Variants in KCNH7 observed in about 807,000 individuals in gnomAD.
The protein encoded by KCNH7 is potassium voltage-gated channel subfamily H member 7, also known as voltage-gated inwardly rectifying potassium channel KCNH7.
Under a neutral mutation model 120.8 loss-of-function variants are expected in KCNH7, and 49 were observed. That is an observed-to-expected ratio of 0.41 (90% CI 0.32 to 0.51). KCNH7 has a LOEUF of 0.51. Ranked by LOEUF, KCNH7 falls within the 20% of genes least tolerant of loss-of-function variation. KCNH7 has a pLI of 0.38. For missense variants in KCNH7, 1,097 were observed against 1,446.6 expected, an observed-to-expected ratio of 0.76 and a Z score of 3.92; for synonymous variants, 547 against 516.1, an observed-to-expected ratio of 1.06 and a Z score of -0.81.
chr2:162,814,406 T>C (rs1206839279), intron 2 of KCNH7, among the ~76,000 whole-genome samples: 5 of 152,224 alleles, frequency 3.3e-5, no homozygotes, highest in Non-Finnish European at 7.3e-5. Flanking sequence ...TGAGGCTTAA[T>C]CTAGTTACTT....
At chr2:162,698,606 A>G (rs1384613329) in intron 2 of KCNH7, among the ~76,000 whole-genome samples, 1 of 152,102 alleles carries the variant, frequency 6.6e-6, no homozygotes, top group Non-Finnish European at 1.5e-5. Flanking sequence ...TGGATATTAG[A>G]AAGAGCACCG....
intron 11 of KCNH7, 31 bp downstream of exon 11, chr2:162,396,709 A>G (rs1449848319): frequency 6.8e-7 from 1 of 1,467,334 alleles, no homozygotes; most frequent in Non-Finnish European, 9.5e-7. Context: ...AATGTCAGAA[A>G]TACAGACATA....
intron 2 of KCNH7, among the ~76,000 whole-genome samples, chr2:162,571,823 T>G (rs1260273844): frequency 6.6e-6 from 1 of 151,148 alleles, no homozygotes; most frequent in Non-Finnish European, 1.5e-5. Flanking sequence ...TACATGGTGC[T>G]GGGAAAACTG....
intron 2 of KCNH7, among the ~76,000 whole-genome samples, chr2:162,654,912 T>C (rs1450654074): frequency 1.3e-5 from 2 of 152,098 alleles, no homozygotes; most frequent in Admixed American, 6.5e-5. Context: ...CTCAATTATG[T>C]GTGGAATATA....
At chr2:162,779,189 T>G (rs10210829) in intron 2 of KCNH7, among the ~76,000 whole-genome samples, 3 of 150,222 alleles carry the variant, frequency 2.0e-5, no homozygotes, top group Non-Finnish European at 3.0e-5. Flanking sequence ...ATTTTTTTTG[T>G]TTTTTTTGTT....
At chr2:162,830,628 A>G (rs114832055) in intron 2 of KCNH7, among the ~76,000 whole-genome samples, 2 of 152,214 alleles carry the variant, frequency 1.3e-5, no homozygotes, top group African/African-American at 4.8e-5. Flanking sequence ...TTCAACATTC[A>G]TACATTCGAA....
intron 2 of KCNH7, among the ~76,000 whole-genome samples, chr2:162,625,088 G>A (rs983082214): frequency 1.3e-5 from 2 of 151,584 alleles, no homozygotes; most frequent in Admixed American, 6.6e-5. Context: ...GTAGAGATGG[G>A]GTATTTCCAT....
At chr2:162,474,091 A>T (rs1168128834) in intron 6 of KCNH7, among the ~76,000 whole-genome samples, 2 of 152,184 alleles carry the variant, frequency 1.3e-5, no homozygotes, top group Non-Finnish European at 2.9e-5. Context: ...GAATTATCTC[A>T]TTGAATTTTC....
chr2:162,689,733 C>T (rs537608072), intron 2 of KCNH7, among the ~76,000 whole-genome samples: 26 of 151,900 alleles, frequency 1.7e-4, no homozygotes, highest in Non-Finnish European at 3.1e-4. Context: ...CTTTGCATAT[C>T]GTAGATATTG....
rs993358858 is a variant in KCNH7 at position 162,648,542 on chromosome 2, A to G, written c.308-111462T>C. On this transcript the variant is annotated intron_variant, in intron 2 of 15. Transcript: ENST00000332142. ...TACATTTCCAGTTTCCTCTCTCTCT[A>G]CTTTCTCCATGTGCCTGTTAGCATT... Among the ~76,000 whole-genome samples the G allele has an allele frequency of 2.6e-5, 4 of 152,124 alleles. No individual in the cohort carries two copies. The East Asian group carries it at 7.7e-4, about 29-fold the overall frequency.
intron 2 of KCNH7, among the ~76,000 whole-genome samples, chr2:162,574,535 A>G (rs1257490860): frequency 6.6e-6 from 1 of 152,116 alleles, no homozygotes; most frequent in East Asian, 1.9e-4. Context: ...TAATTAATAG[A>G]CTGTAATTAC....
chr2:162,631,799 G>C (rs1683777349), intron 2 of KCNH7, among the ~76,000 whole-genome samples: 2 of 151,944 alleles, frequency 1.3e-5, no homozygotes, highest in Non-Finnish European at 2.9e-5. Flanking sequence ...GAAACTAACA[G>C]AGGATTAAGA....
Position 162,394,411 on chromosome 2 carries a change from T to C in KCNH7, c.2688A>G (p.Ser896=). The C allele has an allele frequency of 6.3e-7, 1 of 1,595,148 alleles. No homozygotes were observed. The highest frequency in any genetic ancestry group is 8.6e-7 in the Non-Finnish European group (1 of 1,163,542). Reference sequence around the variant, plus strand: ...TACCTTTCTCTCCTTCACTTTCAAATGACAATTTCCTTCTTCTTAGTTTAC... The same window carrying C: ...TACCTTTCTCTCCTTCACTTTCAAACGACAATTTCCTTCTTCTTAGTTTAC... ...DNCKLRRRKL[S]FESEGEKENS... is the part of the protein sequence containing the mutation. The change falls in exon 12 of 16, where the codon TCA becomes TCG. Residue 896 remains serine, a synonymous_variant. Transcript: ENST00000332142.
At chr2:162,827,689 G>T (rs1479177390) in intron 2 of KCNH7, among the ~76,000 whole-genome samples, 1 of 152,170 alleles carries the variant, frequency 6.6e-6, no homozygotes, top group Non-Finnish European at 1.5e-5. Context: ...AGTAGGTTGA[G>T]GTTTAAGAGG....
At chr2:162,744,727 C>T (rs935753245) in intron 2 of KCNH7, among the ~76,000 whole-genome samples, 1 of 152,082 alleles carries the variant, frequency 6.6e-6, no homozygotes, top group Non-Finnish European at 1.5e-5. Context: ...TGCCCACCAC[C>T]ACGCCTGGCT....
At chr2:162,400,486 ATC>A (rs750223366) in intron 9 of KCNH7, 45 bp from the exon 10 acceptor site, 16 of 1,595,256 alleles carry the variant, frequency 1.0e-5, no homozygotes, top group Non-Finnish European at 1.4e-5. Flanking sequence ...TGTTCTGGGT[ATC>A]TCTGCCTGAA....
intron 2 of KCNH7, among the ~76,000 whole-genome samples, chr2:162,679,929 A>T (rs192581736): frequency 6.6e-4 from 100 of 151,900 alleles, no homozygotes; most frequent in African/African-American, 2.2e-3. Context: ...TTAAGGCAAT[A>T]AAGTTTTGTT....
chr2:162,681,313 A>G (rs1232010155), intron 2 of KCNH7, among the ~76,000 whole-genome samples: 1 of 151,742 alleles, frequency 6.6e-6, no homozygotes, highest in Non-Finnish European at 1.5e-5. Flanking sequence ...CACACAAACT[A>G]TTCCTGGGTG....
At chr2:162,600,051 G>C (rs1258458190) in intron 2 of KCNH7, among the ~76,000 whole-genome samples, 4 of 152,022 alleles carry the variant, frequency 2.6e-5, no homozygotes, top group Non-Finnish European at 5.9e-5. Flanking sequence ...TTCTAGTCCT[G>C]TCTTTCAAGG....
Sources: allele counts gnomAD v4.1 joint callset (sites outside exome capture counted in the v4.1 genomes callset), GRCh38; gene constraint gnomAD v4.1.1; transcripts MANE v1.5; gene names NCBI Gene and HGNC (gene_info 2026-07-23, HGNC 2026-07-21).